The following GRM7 variants were observed in gnomAD, a reference collection of about 807,000 sequenced individuals.
GRM7 encodes metabotropic glutamate receptor 7.
GRM7 carries 35 observed loss-of-function variants against 84.5 expected under a neutral mutation model. That is an observed-to-expected ratio of 0.41 (90% CI 0.32 to 0.55). The LOEUF is 0.55. Ranked by LOEUF, GRM7 falls within the 20% of genes least tolerant of loss-of-function variation. The pLI, the probability that GRM7 is intolerant of heterozygous loss-of-function variation, is 0.19. For missense variants in GRM7, 1,003 were observed against 1,194.6 expected (o/e 0.84, Z 2.36); for synonymous variants, 487 against 455.1 (o/e 1.07, Z -0.89).
At chr3:7,238,345 A>G (rs1463913080) in intron 2 of GRM7, among the ~76,000 whole-genome samples, 3 of 152,164 alleles carry the variant, frequency 2.0e-5, no homozygotes, top group Non-Finnish European at 4.4e-5. Flanking sequence ...AGATCCTTAC[A>G]GGGCTAATGC....
At chr3:7,644,595 G>C (rs976085644) in intron 8 of GRM7, among the ~76,000 whole-genome samples, 2 of 152,184 alleles carry the variant, frequency 1.3e-5, no homozygotes, top group African/African-American at 4.8e-5. Context: ...CCATGCTGAA[G>C]ACTGTAACAT....
intron 1 of GRM7, among the ~76,000 whole-genome samples, chr3:7,136,907 G>A (rs1693791389): frequency 6.6e-6 from 1 of 152,050 alleles, no homozygotes; most frequent in South Asian, 2.1e-4. Context: ...TTAGAACTGT[G>A]GCACTTGTTA....
chr3:7,693,058 A>C (rs2218057), intron 9 of GRM7, among the ~76,000 whole-genome samples: 2,925 of 152,010 alleles, frequency 0.019, 31 homozygotes, highest in Non-Finnish European at 0.025. Flanking sequence ...GATGGTCTAA[A>C]AATTTAAATA....
At chr3:7,251,058 G>A (rs1697966472) in intron 2 of GRM7, among the ~76,000 whole-genome samples, 1 of 152,130 alleles carries the variant, frequency 6.6e-6, no homozygotes, top group East Asian at 1.9e-4. Flanking sequence ...AACAGTGGAG[G>A]GGTTGACTTG....
At chr3:7,537,439 A>AG (rs2125011899) in intron 7 of GRM7, among the ~76,000 whole-genome samples, 1 of 152,308 alleles carries the variant, frequency 6.6e-6, no homozygotes, top group African/African-American at 2.4e-5. Context: ...GGCTTGAGAT[A>AG]GACAGGGGTG....
At chr3:7,329,536 A>G (rs1701115680) in intron 4 of GRM7, among the ~76,000 whole-genome samples, 1 of 152,150 alleles carries the variant, frequency 6.6e-6, no homozygotes, top group Admixed American at 6.5e-5. Flanking sequence ...GCCTTTTTAG[A>G]GCAAAGCCAG....
rs1004155877 is a variant in GRM7 at position 7,448,706 on chromosome 3, G to A, written c.1175-3901G>A. Among the ~76,000 whole-genome samples, 66 of 152,060 alleles carry A rather than the reference G, an allele frequency of 4.3e-4. 1 individual carries two copies. Among genetic ancestry groups the A allele is most frequent in the Admixed American group, 3.7e-3 (56 of 15,252 alleles). ...TTAGCTCCAAAGACAAATTTAATAC[G>A]TAAGTCTTCTCAGAGCCTTTAATAT... On this transcript the variant is annotated intron_variant, in intron 5 of 9. Coordinates refer to ENST00000357716, the MANE Select transcript of GRM7 (RefSeq NM_000844.4).
intron 1 of GRM7, among the ~76,000 whole-genome samples, chr3:6,990,166 C>G (rs1392599583): frequency 6.6e-6 from 1 of 152,180 alleles, no homozygotes; most frequent in Non-Finnish European, 1.5e-5. Flanking sequence ...CCCCTTTTAT[C>G]TTGAATTACA....
chr3:7,353,935 G>A (rs921410138), intron 4 of GRM7, among the ~76,000 whole-genome samples: 8 of 152,064 alleles, frequency 5.3e-5, no homozygotes, highest in Admixed American at 4.6e-4. Flanking sequence ...TTCTATAAGT[G>A]AAAAAGATAG....
intron 8 of GRM7, among the ~76,000 whole-genome samples, chr3:7,625,951 G>C (rs1324293152): frequency 2.0e-5 from 3 of 152,124 alleles, no homozygotes; most frequent in Non-Finnish European, 4.4e-5. Flanking sequence ...AACCATTGAG[G>C]CAAGAAAGGA....
chr3:7,064,795 T>G (rs1472382776), intron 1 of GRM7, among the ~76,000 whole-genome samples: 1 of 151,742 alleles, frequency 6.6e-6, no homozygotes, highest in Non-Finnish European at 1.5e-5. Flanking sequence ...GTGGCTGTAC[T>G]AGTTTACATT....
intron 4 of GRM7, among the ~76,000 whole-genome samples, chr3:7,359,111 CAAAAAAA>C (rs35815945): frequency 1.2e-5 from 1 of 83,078 alleles, no homozygotes; most frequent in Admixed American, 1.4e-4. Context: ...GATTCCATCT[CAAAAAAA>C]AAAAAAAAAG....
intron 7 of GRM7, among the ~76,000 whole-genome samples, chr3:7,500,586 C>T (rs1434501946): frequency 6.6e-6 from 1 of 152,210 alleles, no homozygotes; most frequent in Non-Finnish European, 1.5e-5. Flanking sequence ...TTGGACGATA[C>T]TGATTAAATT....
chr3:7,645,576 A>C (rs555131275), intron 8 of GRM7, among the ~76,000 whole-genome samples: 196 of 150,976 alleles, frequency 1.3e-3, no homozygotes, highest in African/African-American at 4.7e-3. Flanking sequence ...AAAAAAGAAA[A>C]GAAAAAAGCC....
intron 2 of GRM7, among the ~76,000 whole-genome samples, chr3:7,229,886 A>G (rs1482623997): frequency 2.7e-5 from 3 of 112,374 alleles, no homozygotes; most frequent in Non-Finnish European, 5.1e-5. Flanking sequence ...GTTGCCCAGG[A>G]TGGAGTGCAG....
intron 4 of GRM7, among the ~76,000 whole-genome samples, chr3:7,331,566 G>A (rs1352995613): frequency 6.6e-6 from 1 of 152,156 alleles, no homozygotes; most frequent in Non-Finnish European, 1.5e-5. Context: ...ATCTCTGTGA[G>A]ATAGCAGCAT....
intron 2 of GRM7, among the ~76,000 whole-genome samples, chr3:7,172,870 C>T (rs991635286): frequency 1.3e-5 from 2 of 152,044 alleles, no homozygotes; most frequent in East Asian, 1.9e-4. Flanking sequence ...ATGTCAGCCC[C>T]ACTGTCAAGA....
intron 7 of GRM7, among the ~76,000 whole-genome samples, chr3:7,527,193 GATTT>G (rs1402017693): frequency 6.6e-6 from 1 of 151,712 alleles, no homozygotes; most frequent in African/African-American, 2.4e-5. Flanking sequence ...TGTTTTCTAT[GATTT>G]ATTTCAGCAA....
chr3:7,498,342 C>G (rs1699774065), intron 7 of GRM7, among the ~76,000 whole-genome samples: 1 of 152,162 alleles, frequency 6.6e-6, no homozygotes, highest in Non-Finnish European at 1.5e-5. Flanking sequence ...GGGTTGGGCA[C>G]AGTAATTTGG....
Sources: allele counts gnomAD v4.1 joint callset (sites outside exome capture counted in the v4.1 genomes callset), GRCh38; gene constraint gnomAD v4.1.1; transcripts MANE v1.5; gene names NCBI Gene and HGNC (gene_info 2026-07-23, HGNC 2026-07-21).